Variants in LAMA2 observed in about 807,000 individuals in gnomAD.
The protein encoded by LAMA2 is laminin subunit alpha 2, also known as laminin subunit alpha-2.
In LAMA2, 269 loss-of-function variants were observed where a neutral mutation model predicts 364.8. The observed-to-expected ratio is 0.74, with a 90% confidence interval of 0.67 to 0.82. The LOEUF is 0.82. Ranked by LOEUF, LAMA2 falls within the 40% of genes least tolerant of loss-of-function variation. The probability of loss-of-function intolerance (pLI) is 0.00; values close to 1 mark genes in which losing one functional copy is unlikely to be tolerated. For synonymous variants in LAMA2, 1,379 were observed against 1,370.6 expected (o/e 1.01, Z -0.14); for missense variants, 3,807 against 3,873.2 (o/e 0.98, Z 0.45).
At chr6:129,245,928 G>T (rs955402035) in intron 12 of LAMA2, among the ~76,000 whole-genome samples, 1 of 152,154 alleles carries the variant, frequency 6.6e-6, no homozygotes, top group African/African-American at 2.4e-5. Flanking sequence ...GACATTCTCA[G>T]TTCAGAATGT....
chr6:128,888,945 A>C (rs766628988), intron 1 of LAMA2, among the ~76,000 whole-genome samples: 1 of 152,208 alleles, frequency 6.6e-6, no homozygotes, highest in Non-Finnish European at 1.5e-5. Flanking sequence ...CTGATAGAAC[A>C]CATTTAAGTG....
chr6:129,465,363 G>A (rs1239808066), intron 51 of LAMA2, 74 bp downstream of exon 51: 2 of 1,236,526 alleles, frequency 1.6e-6, no homozygotes, highest in African/African-American at 3.0e-5. Flanking sequence ...CTGATCAAGA[G>A]GAAGGCTCCG....
chr6:129,330,398 C>G (rs1220638879), intron 29 of LAMA2, among the ~76,000 whole-genome samples: 4 of 151,680 alleles, frequency 2.6e-5, no homozygotes, highest in African/African-American at 4.8e-5. Context: ...TTGTCGAAGT[C>G]ACCTACTAAC....
chr6:129,304,466 C>T (rs796132859), intron 22 of LAMA2, among the ~76,000 whole-genome samples: 36 of 152,082 alleles, frequency 2.4e-4, no homozygotes, highest in African/African-American at 6.0e-4. Context: ...GGTTTCACCG[C>T]GTTAGCCAGG....
intron 3 of LAMA2, among the ~76,000 whole-genome samples, chr6:129,066,380 T>G (rs977481691): frequency 6.6e-6 from 1 of 152,078 alleles, no homozygotes. Flanking sequence ...AAAAACAGAC[T>G]AATACAGAGA....
chr6:129,416,963 C>T (rs550227442), intron 40 of LAMA2, among the ~76,000 whole-genome samples: 7 of 152,270 alleles, frequency 4.6e-5, no homozygotes, highest in South Asian at 2.1e-4. Context: ...CCAGGGAATG[C>T]GGTGGCACCC....
At chr6:129,176,983 C>G (rs987323897) in intron 9 of LAMA2, among the ~76,000 whole-genome samples, 4 of 151,778 alleles carry the variant, frequency 2.6e-5, no homozygotes, top group African/African-American at 9.7e-5. Flanking sequence ...TTTCTTCTTT[C>G]TGATGGACTA....
chr6:129,320,160 AAG>A (rs1562455709), intron 27 of LAMA2, among the ~76,000 whole-genome samples: 1 of 116,542 alleles, frequency 8.6e-6, no homozygotes, highest in African/African-American at 2.7e-5. Context: ...AATAAATAAA[AAG>A]AAAAAAAAAA....
intron 58 of LAMA2, among the ~76,000 whole-genome samples, chr6:129,502,187 T>C (rs943948619): frequency 1.3e-5 from 2 of 152,150 alleles, no homozygotes; most frequent in African/African-American, 2.4e-5. Context: ...ATGGAAACCT[T>C]CTAGTGGACT....
In LAMA2 at chr6:129,252,069, T is replaced by G; in HGVS notation, c.1885-15T>G. The stretch of plus-strand genomic sequence containing the variant: ...CAGTTTTACTCTTTTTTATTTCTTT[T>G]TTTTCCCCCTTTAGGGTAATGACTT... On this transcript the variant is annotated splice_polypyrimidine_tract_variant and intron_variant, in intron 13 of 64. Coordinates refer to ENST00000421865, the MANE Select transcript of LAMA2 (RefSeq NM_000426.4). The G allele has an allele frequency of 1.3e-6, 2 of 1,590,792 alleles. No individual in the cohort carries two copies. Among genetic ancestry groups the G allele is most frequent in the Non-Finnish European group, 1.7e-6 (2 of 1,159,984 alleles).
chr6:129,066,047 T>TTTTTTTTTTTTTTTTTTTTC (rs71028144), intron 3 of LAMA2, among the ~76,000 whole-genome samples: 8 of 81,860 alleles, frequency 9.8e-5, no homozygotes, highest in Non-Finnish European at 1.7e-4. Context: ...GGTTTTTTTT[T>TTTTTTTTTTTTTTTTTTTTC]TTTTTTTTTT....
At chr6:129,369,563 C>T (rs998774866) in intron 33 of LAMA2, among the ~76,000 whole-genome samples, 3 of 152,002 alleles carry the variant, frequency 2.0e-5, no homozygotes, top group Admixed American at 2.0e-4. Context: ...ATCTCGTGCA[C>T]ATTTTTAACT....
At chr6:129,336,010 G>T (rs543961402) in intron 29 of LAMA2, among the ~76,000 whole-genome samples, 3 of 152,130 alleles carry the variant, frequency 2.0e-5, no homozygotes, top group African/African-American at 7.2e-5. Flanking sequence ...AAAATTTGTC[G>T]CAGGATAGTA....
intron 3 of LAMA2, among the ~76,000 whole-genome samples, chr6:129,086,051 G>C (rs1774364735): frequency 1.3e-5 from 2 of 152,164 alleles, no homozygotes; most frequent in African/African-American, 4.8e-5. Context: ...GGCAATTGAG[G>C]TCACCACTTT....
At chr6:128,925,583 G>A (rs1779037079) in intron 1 of LAMA2, among the ~76,000 whole-genome samples, 1 of 152,170 alleles carries the variant, frequency 6.6e-6, no homozygotes, top group Non-Finnish European at 1.5e-5. Flanking sequence ...TGTGAATGGT[G>A]TTGATGGTTG....
chr6:129,402,431 G>T lies in LAMA2; in HGVS notation c.5670G>T (p.Val1890=), dbSNP rs374587087. 104 of 1,614,000 alleles carry T rather than the reference G, an allele frequency of 6.4e-5. No individual in the cohort carries two copies. Among genetic ancestry groups the T allele is most frequent in the South Asian group, 1.8e-4 (16 of 91,078 alleles). The change falls in exon 39 of 65, where the codon GTG becomes GTT. Residue 1890 remains valine (V), a synonymous_variant. Transcript: ENST00000421865. ...EIKDRKLAEK[V]SQAESHAAQL... is the part of the protein sequence containing the mutation. Reference sequence around the variant, plus strand: ...AGGACAGGAAGCTTGCTGAGAAGGTGTCCCAGGCTGAGAGCCACGCAGCTC... The same window carrying T: ...AGGACAGGAAGCTTGCTGAGAAGGTTTCCCAGGCTGAGAGCCACGCAGCTC...
At chr6:129,320,727 A>G (rs950340550) in intron 28 of LAMA2, 72 bp downstream of exon 28, 1 of 805,798 alleles carries the variant, frequency 1.2e-6, no homozygotes, top group Non-Finnish European at 2.2e-6. Flanking sequence ...TCCCAGAAGT[A>G]CCTTTACTGC....
chr6:129,351,139 T>C (rs577789621), intron 31 of LAMA2, among the ~76,000 whole-genome samples: 1 of 152,230 alleles, frequency 6.6e-6, no homozygotes, highest in Admixed American at 6.5e-5. Flanking sequence ...AGTAGGATGG[T>C]GACTAAAAGC....
intron 1 of LAMA2, among the ~76,000 whole-genome samples, chr6:129,036,263 A>G (rs1197989056): frequency 6.6e-6 from 1 of 152,020 alleles, no homozygotes; most frequent in East Asian, 1.9e-4. Context: ...TTATTTTCTT[A>G]TGTATGTCTA....
Sources: allele counts gnomAD v4.1 joint callset (sites outside exome capture counted in the v4.1 genomes callset), GRCh38; gene constraint gnomAD v4.1.1; transcripts MANE v1.5; gene names NCBI Gene and HGNC (gene_info 2026-07-23, HGNC 2026-07-21).